HDAC9: variants seen among roughly 807,000 people sequenced by gnomAD.
The protein encoded by HDAC9 is histone deacetylase 9.
In HDAC9, 41 loss-of-function variants were observed where a neutral mutation model predicts 139.4. That is an observed-to-expected ratio of 0.29 (90% CI 0.23 to 0.38). The LOEUF is 0.38. Among genes scored for constraint, HDAC9 ranks in the 10% least tolerant of loss-of-function variants. The pLI, the probability that HDAC9 is intolerant of heterozygous loss-of-function variation, is 1.00. For missense variants in HDAC9, 1,147 were observed against 1,297.0 expected, an observed-to-expected ratio of 0.88 and a Z score of 1.78; for synonymous variants, 517 against 476.2, an observed-to-expected ratio of 1.09 and a Z score of -1.12.
intron 2 of HDAC9, among the ~76,000 whole-genome samples, chr7:18,284,263 A>G (rs1183590055): frequency 6.6e-6 from 1 of 152,144 alleles, no homozygotes; most frequent in Admixed American, 6.6e-5. Context: ...TTTGGTATTT[A>G]CAACACACAT....
chr7:18,771,562 T>A (rs1790295630), intron 16 of HDAC9, among the ~76,000 whole-genome samples: 1 of 151,982 alleles, frequency 6.6e-6, no homozygotes, highest in Admixed American at 6.6e-5. Flanking sequence ...TGTGTGTGTG[T>A]GTTTATATAT....
intron 2 of HDAC9, among the ~76,000 whole-genome samples, chr7:18,182,724 T>A (rs1789547304): frequency 6.6e-6 from 1 of 152,182 alleles, no homozygotes. Context: ...AGCTCTTGGA[T>A]CCAGGTACCT....
At chr7:18,940,695 A>G (rs1037529727) in intron 23 of HDAC9, among the ~76,000 whole-genome samples, 1 of 152,166 alleles carries the variant, frequency 6.6e-6, no homozygotes, top group African/African-American at 2.4e-5. Flanking sequence ...GGTAATCTGT[A>G]TTTGAGCTGA....
At position 18,737,820 on chromosome 7, in the gene HDAC9, C is replaced by T. The variant is rs540636646; in HGVS notation, c.1909+10063C>T. Among the ~76,000 whole-genome samples the T allele has an allele frequency of 2.6e-5, 4 of 152,130 alleles. No homozygotes were observed. In the South Asian group the frequency reaches 8.3e-4, roughly 32 times the overall value. On this transcript the variant is annotated intron_variant, in intron 13 of 25. Transcript: ENST00000686413. ...TTCAAGTCCTGGATATCCTTCTTAA[C>T]CTTCTATCTCATTCATCTGTCTAAT...
intron 15 of HDAC9, among the ~76,000 whole-genome samples, chr7:18,765,676 C>T (rs1319600125): frequency 1.3e-5 from 2 of 152,068 alleles, no homozygotes; most frequent in Non-Finnish European, 2.9e-5. Flanking sequence ...AATTCAGACA[C>T]TAAAATGTAC....
intron 2 of HDAC9, among the ~76,000 whole-genome samples, chr7:18,497,348 T>C (rs1479453605): frequency 1.3e-5 from 2 of 152,132 alleles, no homozygotes; most frequent in Middle Eastern, 3.2e-3. Flanking sequence ...TTTGTAGAGC[T>C]AGGTGTGAAA....
intron 1 of HDAC9, among the ~76,000 whole-genome samples, chr7:18,094,512 C>T (rs926123765): frequency 6.6e-6 from 1 of 151,162 alleles, no homozygotes; most frequent in South Asian, 2.1e-4. Context: ...CTCAGTATAA[C>T]CTTGAGCTCC....
intron 1 of HDAC9, among the ~76,000 whole-genome samples, chr7:18,458,405 C>G (rs1793540250): frequency 6.6e-6 from 1 of 152,108 alleles, no homozygotes; most frequent in South Asian, 2.1e-4. Context: ...ATTATGTGAC[C>G]TCCAAGCTAT....
At chr7:18,306,542 G>C (rs1184802533) in intron 1 of HDAC9, among the ~76,000 whole-genome samples, 1 of 152,268 alleles carries the variant, frequency 6.6e-6, no homozygotes, top group Middle Eastern at 3.4e-3. Flanking sequence ...GAGTAATATA[G>C]GGGTAGTTTG....
chr7:18,633,950 A>G (rs1219141946), intron 7 of HDAC9, among the ~76,000 whole-genome samples: 1 of 152,092 alleles, frequency 6.6e-6, no homozygotes, highest in African/African-American at 2.4e-5. Context: ...ACTTTTGCTA[A>G]AAGGAATTTC....
intron 6 of HDAC9, among the ~76,000 whole-genome samples, chr7:18,627,666 C>T (rs1481889132): frequency 2.6e-5 from 4 of 152,162 alleles, no homozygotes; most frequent in African/African-American, 9.6e-5. Flanking sequence ...AATCCTTTCC[C>T]AAATTGGTTG....
intron 2 of HDAC9, among the ~76,000 whole-genome samples, chr7:18,170,790 G>T (rs999973914): frequency 6.6e-6 from 1 of 152,134 alleles, no homozygotes; most frequent in African/African-American, 2.4e-5. Flanking sequence ...CATCTGTTCT[G>T]TTCCATTGTT....
intron 23 of HDAC9, among the ~76,000 whole-genome samples, chr7:18,943,220 A>G (rs897110403): frequency 1.3e-5 from 2 of 152,092 alleles, no homozygotes; most frequent in African/African-American, 2.4e-5. Context: ...CTTCCCTTCA[A>G]TGTTGTTAGA....
chr7:18,847,540 G>A (rs1029286800), intron 21 of HDAC9, among the ~76,000 whole-genome samples: 1 of 152,130 alleles, frequency 6.6e-6, no homozygotes, highest in Non-Finnish European at 1.5e-5. Context: ...ACCCTCCTGT[G>A]GTGTGAGAGT....
At chr7:18,418,269 T>A (rs1190990805) in intron 1 of HDAC9, among the ~76,000 whole-genome samples, 9 of 152,156 alleles carry the variant, frequency 5.9e-5, no homozygotes, top group Admixed American at 2.6e-4. Flanking sequence ...GTGGGAAGAC[T>A]TTTAGACTTA....
chr7:18,932,886 CCTGA>C (rs1246186047), intron 22 of HDAC9, among the ~76,000 whole-genome samples: 1 of 87,500 alleles, frequency 1.1e-5, no homozygotes, highest in African/African-American at 4.1e-5. Context: ...GAAAGGATGT[CCTGA>C]CTTTCTTCTC....
At chr7:18,401,189 A>G (rs1263405404) in intron 1 of HDAC9, among the ~76,000 whole-genome samples, 4 of 152,178 alleles carry the variant, frequency 2.6e-5, no homozygotes, top group Admixed American at 6.5e-5. Context: ...TTAAAGTGTG[A>G]TATAATTGTG....
intron 25 of HDAC9, among the ~76,000 whole-genome samples, chr7:18,990,647 C>G (rs960858164): frequency 1.3e-5 from 2 of 152,256 alleles, no homozygotes; most frequent in Non-Finnish European, 2.9e-5. Context: ...CTCCCCCAGC[C>G]TGGCTGCCGC....
intron 1 of HDAC9, 31 bp from the exon 2 acceptor site, chr7:18,496,231 A>G (rs760466826): frequency 5.6e-5 from 90 of 1,610,432 alleles, no homozygotes; most frequent in Non-Finnish European, 7.6e-5. Flanking sequence ...GCTGCAGACA[A>G]TTTACGAGAG....
Sources: allele counts gnomAD v4.1 joint callset (sites outside exome capture counted in the v4.1 genomes callset), GRCh38; gene constraint gnomAD v4.1.1; transcripts MANE v1.5; gene names NCBI Gene and HGNC (gene_info 2026-07-23, HGNC 2026-07-21).